MCC: variants seen among roughly 807,000 people sequenced by gnomAD.
MCC encodes the protein MCC regulator of Wnt signaling pathway.
A neutral mutation model predicts 116.2 loss-of-function variants in MCC; 90 were observed. The ratio of observed to expected loss-of-function variants is 0.77; its 90% CI spans 0.65 to 0.92. The LOEUF (loss-of-function observed/expected upper bound fraction) is 0.92, where lower values mean the gene tolerates loss of function less well. Ranked by LOEUF, MCC falls within the 40% of genes least tolerant of loss-of-function variation. The pLI is 0.00. For missense variants in MCC, 1,516 were observed against 1,312.2 expected, an observed-to-expected ratio of 1.16 and a Z score of -2.40; for synonymous variants, 578 against 510.5, an observed-to-expected ratio of 1.13 and a Z score of -1.78.
chr5:113,333,955 ATTACTT>A (rs1471579011), intron 3 of MCC, among the ~76,000 whole-genome samples: 1 of 142,986 alleles, frequency 7.0e-6, no homozygotes, highest in Non-Finnish European at 1.5e-5. Context: ...GAGACAAATG[ATTACTT>A]TTACTTTTCA....
chr5:113,434,082 A>G lies in MCC; in HGVS notation c.171-48870T>C, dbSNP rs2150412467. 1 of 1,614,160 alleles carries G rather than the reference A, an allele frequency of 6.2e-7. No individual in the cohort carries two copies. Among genetic ancestry groups the G allele is most frequent in the Non-Finnish European group, 8.5e-7 (1 of 1,179,986 alleles). Reference sequence around the variant, plus strand: ...GAGCCGCCGGTTGACGTCGGGCTGCAGCATGTGGTAGATGAGGTCCTTGCA... The same window carrying G: ...GAGCCGCCGGTTGACGTCGGGCTGCGGCATGTGGTAGATGAGGTCCTTGCA... On this transcript the variant is annotated intron_variant, in intron 1 of 18. Coordinates refer to ENST00000408903, the MANE Select transcript of MCC (RefSeq NM_001085377.2). The surrounding 1 kb of genome is among the most constrained non-coding windows in gnomAD (Gnocchi z 4.2).
intron 1 of MCC, among the ~76,000 whole-genome samples, chr5:113,476,536 T>C (rs1772238273): frequency 1.3e-5 from 2 of 152,316 alleles, no homozygotes; most frequent in South Asian, 2.1e-4. Flanking sequence ...ACACAAAAAT[T>C]AACTCAAGTG....
chr5:113,459,133 A>ATGTGTG (rs542497591), intron 1 of MCC, among the ~76,000 whole-genome samples: 6,367 of 68,284 alleles, frequency 0.093, 483 homozygotes, highest in African/African-American at 0.13. Context: ...GAGTAAGGAT[A>ATGTGTG]TGTGTGTGTG....
At chr5:113,202,644 G>A (rs1368518614) in intron 3 of MCC, among the ~76,000 whole-genome samples, 1 of 152,016 alleles carries the variant, frequency 6.6e-6, no homozygotes, top group Non-Finnish European at 1.5e-5. Context: ...AAAAACTTAA[G>A]TCAAACAACA....
At chr5:113,395,519 T>G (rs936061659) in intron 1 of MCC, among the ~76,000 whole-genome samples, 6 of 152,240 alleles carry the variant, frequency 3.9e-5, no homozygotes, top group Non-Finnish European at 7.3e-5. Context: ...GCCAATTTAC[T>G]GAGCACCAGG....
intron 2 of MCC, among the ~76,000 whole-genome samples, chr5:113,351,228 C>G (rs992647940): frequency 6.6e-6 from 1 of 152,120 alleles, no homozygotes; most frequent in African/African-American, 2.4e-5. Context: ...GAAAGGATAT[C>G]TACACTCCCA....
At chr5:113,122,937 C>T (rs894170484) in intron 5 of MCC, 111 bp from the exon 6 acceptor site, 1 of 1,125,014 alleles carries the variant, frequency 8.9e-7, no homozygotes, top group East Asian at 2.4e-5. Flanking sequence ...ACAGATTTCT[C>T]CCCCAGGCCA....
chr5:113,221,790 T>G (rs1467631801), intron 3 of MCC, among the ~76,000 whole-genome samples: 1 of 152,140 alleles, frequency 6.6e-6, no homozygotes, highest in Non-Finnish European at 1.5e-5. Context: ...CCCGATTCAC[T>G]GCCCCCCGCC....
rs886383197 is a variant in MCC at position 113,145,805 on chromosome 5, C to A, written c.742-2445G>T. Among the ~76,000 whole-genome samples the A allele has an allele frequency of 1.9e-3, 246 of 126,452 alleles. 1 individual carries two copies. The highest frequency in any genetic ancestry group is 3.0e-3 in the Non-Finnish European group (189 of 62,598). The allele number at this position is 126,452 out of a possible 152,430, so 83.0% of individuals were successfully genotyped here. The stretch of plus-strand genomic sequence containing the variant: ...ACACAAACACACACACACACACACA[C>A]AAAAGACCCTGTGGGGCTGCCCAGG... On this transcript the variant is annotated intron_variant, in intron 4 of 18. Coordinates refer to ENST00000408903, the MANE Select transcript of MCC (RefSeq NM_001085377.2).
chr5:113,067,952 C>T (rs529972786), intron 13 of MCC, 128 bp downstream of exon 13: 90 of 747,148 alleles, frequency 1.2e-4, no homozygotes, highest in African/African-American at 1.0e-3. Context: ...TGAGGAAAAA[C>T]GAAAAACACA....
chr5:113,138,188 T>C (rs2150282711), intron 5 of MCC, among the ~76,000 whole-genome samples: 1 of 152,102 alleles, frequency 6.6e-6, no homozygotes, highest in South Asian at 2.1e-4. Context: ...AGCTAACTTT[T>C]GTATTTTTTG....
intron 3 of MCC, among the ~76,000 whole-genome samples, chr5:113,191,685 G>C (rs1356204814): frequency 6.6e-6 from 1 of 152,204 alleles, no homozygotes; most frequent in African/African-American, 2.4e-5. Context: ...TGGGCGACTT[G>C]ATTTTTAAGA....
intron 1 of MCC, among the ~76,000 whole-genome samples, chr5:113,416,428 T>C (rs956290694): frequency 6.8e-6 from 1 of 147,388 alleles, no homozygotes; most frequent in African/African-American, 2.5e-5. Flanking sequence ...TCCCATCTCT[T>C]AAAAAAAAAA....
chr5:113,119,002 G>T (rs950305470), intron 6 of MCC, among the ~76,000 whole-genome samples: 1 of 152,178 alleles, frequency 6.6e-6, no homozygotes, highest in Non-Finnish European at 1.5e-5. Context: ...CCTCCCCGAG[G>T]TTATCACCAG....
intron 3 of MCC, among the ~76,000 whole-genome samples, chr5:113,281,244 CCTT>C (rs1766037257): frequency 6.6e-6 from 1 of 152,242 alleles, no homozygotes; most frequent in African/African-American, 2.4e-5. Context: ...GCTTCTGTAA[CCTT>C]CTTCCAGTTA....
At chr5:113,441,794 T>C (rs1289628836) in intron 1 of MCC, among the ~76,000 whole-genome samples, 2 of 152,150 alleles carry the variant, frequency 1.3e-5, no homozygotes, top group African/African-American at 4.8e-5. Flanking sequence ...AGAATGACGG[T>C]TTCCAGCTTC....
At chr5:113,419,455 C>A (rs1016945947) in intron 1 of MCC, among the ~76,000 whole-genome samples, 1 of 151,942 alleles carries the variant, frequency 6.6e-6, no homozygotes, top group Non-Finnish European at 1.5e-5. Flanking sequence ...CCTCAAGCTC[C>A]CAAAGTGCTG....
At chr5:113,036,012 CTTTTTTTTTTTTTTTTTTTTTTTTTTTTT>C (rs771378295) in intron 17 of MCC, among the ~76,000 whole-genome samples, 2 of 62,904 alleles carry the variant, frequency 3.2e-5, no homozygotes, top group African/African-American at 1.3e-4. Context: ...GGATGAGGAA[CTTTTTTTTTTTTTTTTTTTTTTTTTTTTT>C]TTTTTTTTTT....
At chr5:113,083,284 G>C (rs1754985989) in intron 10 of MCC, among the ~76,000 whole-genome samples, 1 of 151,998 alleles carries the variant, frequency 6.6e-6, no homozygotes, top group Non-Finnish European at 1.5e-5. Flanking sequence ...TGCCTTCTTG[G>C]AGTTCCTTAA....
Sources: allele counts gnomAD v4.1 joint callset (sites outside exome capture counted in the v4.1 genomes callset), GRCh38; gene constraint gnomAD v4.1.1; non-coding constraint Gnocchi (gnomAD v3.1); transcripts MANE v1.5; gene names NCBI Gene and HGNC (gene_info 2026-07-23, HGNC 2026-07-21).